Variants in UNC13C observed in about 807,000 individuals in gnomAD.
UNC13C encodes the protein unc-13 homolog C.
Under a neutral mutation model 245.4 loss-of-function variants are expected in UNC13C, and 174 were observed. That is an observed-to-expected ratio of 0.71 (90% CI 0.63 to 0.80). The LOEUF is 0.80. UNC13C is among the 30% of genes least tolerant of loss of function. UNC13C has a pLI of 0.00. For synonymous variants in UNC13C, 992 were observed against 895.1 expected (o/e 1.11, Z -1.93); for missense variants, 2,829 against 2,602.9 (o/e 1.09, Z -1.89).
rs535145534 is a variant in UNC13C, at chr15:54,355,217, G to C, written c.4713+16728G>C. 2.4e-3 allele frequency among the ~76,000 whole-genome samples: 366 copies of C among 152,240 alleles called. 1 individual carries two copies. Among genetic ancestry groups the C allele is most frequent in the Non-Finnish European group, 4.2e-3 (286 of 68,006 alleles). ...AGTTCCAGTTATTTTGTTACGATCA[G>C]CAGAAACAAACTTAAAACTTTACTT... On this transcript the variant is annotated intron_variant, in intron 17 of 32. Transcript: ENST00000260323.
chr15:53,924,760 A>C, the UNC13C span, among the ~76,000 whole-genome samples: 1 of 152,256 alleles, frequency 6.6e-6, no homozygotes, highest in Non-Finnish European at 1.5e-5. Context: ...GACTAAAATC[A>C]AAGACTTTTG....
chr15:54,315,340 G>C (rs995975283), intron 13 of UNC13C, among the ~76,000 whole-genome samples: 1 of 151,456 alleles, frequency 6.6e-6, no homozygotes, highest in African/African-American at 2.4e-5. Flanking sequence ...ATGTTTATTT[G>C]TCAAGTCAAA....
the UNC13C span, among the ~76,000 whole-genome samples, chr15:53,957,333 C>A: frequency 6.6e-6 from 1 of 151,910 alleles, no homozygotes; most frequent in African/African-American, 2.4e-5. Flanking sequence ...GTAGAGATTG[C>A]GTTTCACCAG....
chr15:54,038,124 A>ATAAAAATTTTTTTTTTTTTTTTTT lies in UNC13C; in HGVS notation c.2983+22239_2983+22240insAAAAATTTTTTTTTTTTTTTTTTT. 2.6e-3 allele frequency among the ~76,000 whole-genome samples: 116 copies of ATAAAAATTTTTTTTTTTTTTTTTT among 45,020 alleles called. 4 individuals are homozygous for ATAAAAATTTTTTTTTTTTTTTTTT. The highest frequency in any genetic ancestry group is 0.012 in the African/African-American group (112 of 9,438). The allele number at this position is 45,020 out of a possible 152,430, so 29.5% of individuals were successfully genotyped here. A position where few individuals can be genotyped will look rare whatever the true frequency, so the allele number is the denominator to read the frequency against. On this transcript the variant is annotated intron_variant, in intron 2 of 32. Coordinates refer to ENST00000260323, the MANE Select transcript of UNC13C (RefSeq NM_001080534.3). ...CATATATATATATATATATATATAT[A>ATAAAAATTTTTTTTTTTTTTTTTT]TTTTTTTTTTTTTTTTCCTGAGACA...
chr15:54,194,290 T>C (rs1205207979), intron 4 of UNC13C, among the ~76,000 whole-genome samples: 1 of 152,140 alleles, frequency 6.6e-6, no homozygotes, highest in Non-Finnish European at 1.5e-5. Flanking sequence ...GTTTTATCAA[T>C]ATCTCTTGTT....
chr15:53,890,178 G>A, the UNC13C span, among the ~76,000 whole-genome samples: 6 of 149,472 alleles, frequency 4.0e-5, no homozygotes, highest in South Asian at 2.1e-4. Flanking sequence ...TTCTCACTGC[G>A]TCACCCAGGC....
intron 17 of UNC13C, among the ~76,000 whole-genome samples, chr15:54,348,608 A>C (rs1405883642): frequency 6.6e-6 from 1 of 152,168 alleles, no homozygotes; most frequent in Non-Finnish European, 1.5e-5. Context: ...AGAATAGTCT[A>C]AAGGGGCAAC....
intron 4 of UNC13C, among the ~76,000 whole-genome samples, chr15:54,178,926 T>C (rs2141298496): frequency 6.6e-6 from 1 of 152,112 alleles, no homozygotes; most frequent in East Asian, 1.9e-4. Context: ...TCTACCAAAT[T>C]TGGAAATAGC....
chr15:54,369,338 C>T (rs1452069264), intron 17 of UNC13C, among the ~76,000 whole-genome samples: 1 of 152,076 alleles, frequency 6.6e-6, no homozygotes, highest in African/African-American at 2.4e-5. Flanking sequence ...ATTGCCTTTG[C>T]CGAAGCCCTT....
intron 20 of UNC13C, among the ~76,000 whole-genome samples, chr15:54,497,937 C>T (rs75853347): frequency 0.015 from 2,225 of 152,152 alleles, 43 homozygotes; most frequent in African/African-American, 0.05. Context: ...AGGTCCACAG[C>T]TTTTCATGGA....
chr15:54,375,395 ATTG>A (rs1291338519), intron 17 of UNC13C, among the ~76,000 whole-genome samples: 2 of 152,214 alleles, frequency 1.3e-5, no homozygotes, highest in Non-Finnish European at 1.5e-5. Flanking sequence ...GAGTAATGCT[ATTG>A]TTTAATGCTT....
chr15:53,955,266 TACACACACACAC>T, the UNC13C span, among the ~76,000 whole-genome samples: 20,342 of 149,620 alleles, frequency 0.14, 1,689 homozygotes, highest in East Asian at 0.31. Context: ...GACTTTTTCT[TACACACACACAC>T]ACACACACAC....
intron 2 of UNC13C, among the ~76,000 whole-genome samples, chr15:54,103,834 T>C (rs1900289805): frequency 6.6e-6 from 1 of 152,162 alleles, no homozygotes; most frequent in Admixed American, 6.5e-5. Flanking sequence ...AACTCCACAG[T>C]CCCGGGGTCA....
chr15:54,227,558 G>C (rs564186903), intron 4 of UNC13C, among the ~76,000 whole-genome samples: 1 of 152,178 alleles, frequency 6.6e-6, no homozygotes, highest in Admixed American at 6.5e-5. Flanking sequence ...GAGGGGGCAG[G>C]GGGGTAGTGT....
chr15:54,610,874 A>G lies in UNC13C; in HGVS notation c.6107-11453A>G, dbSNP rs191633803. The stretch of plus-strand genomic sequence containing the variant: ...TTTCATCTCCAAAATTTGTGTTTCA[A>G]TGACCAGTTTTTGTTTTTGTATCAG... On this transcript the variant is annotated intron_variant, in intron 30 of 32. Coordinates refer to ENST00000260323, the MANE Select transcript of UNC13C (RefSeq NM_001080534.3). 6.4e-3 allele frequency among the ~76,000 whole-genome samples: 974 copies of G among 152,328 alleles called. 2 individuals carry two copies. The highest frequency in any genetic ancestry group is 0.014 in the Middle Eastern group (4 of 294).
chr15:54,299,515 G>A (rs529906338), intron 12 of UNC13C, among the ~76,000 whole-genome samples: 3 of 152,230 alleles, frequency 2.0e-5, no homozygotes, highest in East Asian at 1.9e-4. Flanking sequence ...GCTCTATCAT[G>A]TAGAAATGTT....
chr15:54,491,998 A>T (rs1009226052), intron 19 of UNC13C, among the ~76,000 whole-genome samples: 7 of 152,076 alleles, frequency 4.6e-5, no homozygotes, highest in Admixed American at 4.6e-4. Flanking sequence ...TCTCAAAAAA[A>T]AAAAAACAAT....
At chr15:54,543,643 A>G (rs1896347939) in intron 26 of UNC13C, among the ~76,000 whole-genome samples, 1 of 152,170 alleles carries the variant, frequency 6.6e-6, no homozygotes, top group Non-Finnish European at 1.5e-5. Flanking sequence ...AATACAAACT[A>G]CCTTCTGAGA....
intron 1 of UNC13C, among the ~76,000 whole-genome samples, chr15:53,979,964 C>T (rs73412843): frequency 0.015 from 2,328 of 151,948 alleles, 70 homozygotes; most frequent in African/African-American, 0.054. Flanking sequence ...AGGGGAGAAA[C>T]GAGAATGAGA....
Sources: allele counts gnomAD v4.1 joint callset (sites outside exome capture counted in the v4.1 genomes callset), GRCh38; gene constraint gnomAD v4.1.1; transcripts MANE v1.5; gene names NCBI Gene and HGNC (gene_info 2026-07-23, HGNC 2026-07-21).